The following NCKAP5 variants were observed in gnomAD, a reference collection of about 807,000 sequenced individuals.
The protein encoded by NCKAP5 is NCK associated protein 5, also known as nck-associated protein 5.
Under a neutral mutation model 167.0 loss-of-function variants are expected in NCKAP5, and 92 were observed. The ratio of observed to expected loss-of-function variants is 0.55; its 90% CI spans 0.47 to 0.66. The LOEUF (loss-of-function observed/expected upper bound fraction) is 0.66, where lower values mean the gene tolerates loss of function less well. Ranked by LOEUF, NCKAP5 falls within the 30% of genes least tolerant of loss-of-function variation. The pLI, the probability that NCKAP5 is intolerant of heterozygous loss-of-function variation, is 0.00. For missense variants in NCKAP5, 2,378 were observed against 2,315.0 expected (o/e 1.03, Z -0.56); for synonymous variants, 891 against 877.4 (o/e 1.02, Z -0.27).
chr2:133,625,868 CTCAAA>C, the NCKAP5 span, among the ~76,000 whole-genome samples: 1 of 109,582 alleles, frequency 9.1e-6, no homozygotes, highest in African/African-American at 4.2e-5. Context: ...CGAGACTTGT[CTCAAA>C]AAAAAAAAAA....
intron 5 of NCKAP5, among the ~76,000 whole-genome samples, chr2:133,138,721 G>A (rs1474177453): frequency 6.6e-6 from 1 of 152,158 alleles, no homozygotes. Context: ...ATATAAGTTG[G>A]ATTCTCTCAT....
intron 8 of NCKAP5, among the ~76,000 whole-genome samples, chr2:132,923,790 T>A (rs905293032): frequency 6.6e-6 from 1 of 152,216 alleles, no homozygotes; most frequent in Non-Finnish European, 1.5e-5. Context: ...AGCTAATTAT[T>A]ATTAAAAATT....
intron 19 of NCKAP5, among the ~76,000 whole-genome samples, chr2:132,697,268 G>A (rs1279939835): frequency 6.6e-6 from 1 of 152,230 alleles, no homozygotes; most frequent in Non-Finnish European, 1.5e-5. Flanking sequence ...TGTCAGGACA[G>A]TGCTCCCTTG....
At chr2:133,566,023 G>A (rs1456185636) in intron 1 of NCKAP5, among the ~76,000 whole-genome samples, 2 of 152,236 alleles carry the variant, frequency 1.3e-5, no homozygotes, top group East Asian at 1.9e-4. Context: ...CATGACAGTC[G>A]AAACAAGTGA....
rs111692368 is a variant in NCKAP5 at position 132,841,402 on chromosome 2, A to T, written c.807+19090T>A. ...TTACTTTCAATCCAATGAGTTAACC[A>T]TATTTAAACTAGCAGATTTTTTATT... On this transcript the variant is annotated intron_variant, in intron 11 of 19. Transcript: ENST00000409261. Among the ~76,000 whole-genome samples, 1,438 of 152,262 alleles carry T rather than the reference A, an allele frequency of 9.4e-3. 16 individuals are homozygous for T. The highest frequency in any genetic ancestry group is 0.033 in the African/African-American group (1,383 of 41,578).
At chr2:132,769,542 C>T (rs778447738) in intron 16 of NCKAP5, among the ~76,000 whole-genome samples, 50 of 152,234 alleles carry the variant, frequency 3.3e-4, no homozygotes, top group Non-Finnish European at 6.0e-4. Context: ...CTCAGCCATT[C>T]TTGTGGAATT....
intron 4 of NCKAP5, among the ~76,000 whole-genome samples, chr2:133,258,610 T>TG (rs1229668609): frequency 6.6e-6 from 1 of 152,024 alleles, no homozygotes; most frequent in Non-Finnish European, 1.5e-5. Context: ...CCAGGCATGA[T>TG]GGTGCATGCC....
chr2:133,242,838 A>G (rs1040050187), intron 4 of NCKAP5, among the ~76,000 whole-genome samples: 2 of 152,160 alleles, frequency 1.3e-5, no homozygotes, highest in Middle Eastern at 3.2e-3. Context: ...CTACCGGGAA[A>G]GTTTTTTTAT....
In NCKAP5 at chr2:132,994,194, T is replaced by C. The variant is rs756375702; in HGVS notation, c.387A>G (p.Pro129=). Residue 129 remains proline, a synonymous_variant, in exon 7 of 20, where the codon CCA becomes CCG. Transcript: ENST00000409261. ...TAACAGTTTCTTCTTTTTTCTGCTC[T>C]GGAGATCCTTGACTCTGCAATAGAT... is the stretch of plus-strand genomic sequence containing the variant. ...VRNLLQSQGS[P]EQKKEETVNI... is the part of the protein sequence containing the mutation. 3 of 1,591,934 alleles carry C rather than the reference T, an allele frequency of 1.9e-6. No individual in the cohort carries two copies. In the African/African-American group the frequency reaches 4.0e-5, roughly 21 times the overall value.
At chr2:132,799,337 A>G (rs1415620866) in intron 11 of NCKAP5, among the ~76,000 whole-genome samples, 1 of 152,032 alleles carries the variant, frequency 6.6e-6, no homozygotes, top group African/African-American at 2.4e-5. Context: ...TGCATCCAAA[A>G]CCCAGCATCA....
At position 133,218,558 on chromosome 2, in the gene NCKAP5, A is replaced by G. The variant is rs2086528340; in HGVS notation, c.144-4779T>C. ...CCAGGACCAAACTTTGAGAACTTCA[A>G]CTGAAAGACAGATACGGAACTAGGA... On this transcript the variant is annotated intron_variant, in intron 4 of 19. Transcript: ENST00000409261. Among the ~76,000 whole-genome samples, 3 of 152,226 alleles carry G rather than the reference A, an allele frequency of 2.0e-5. 1 individual carries two copies. The highest frequency in any genetic ancestry group is 2.0e-4 in the Admixed American group (3 of 15,286).
At chr2:133,071,317 C>T (rs1454643620) in intron 6 of NCKAP5, among the ~76,000 whole-genome samples, 3 of 151,526 alleles carry the variant, frequency 2.0e-5, no homozygotes, top group Admixed American at 6.6e-5. Context: ...TAGTGGCGGG[C>T]GCCTGTAGTC....
At chr2:133,080,941 G>A (rs2080782198) in intron 6 of NCKAP5, among the ~76,000 whole-genome samples, 1 of 152,086 alleles carries the variant, frequency 6.6e-6, no homozygotes, top group Non-Finnish European at 1.5e-5. Context: ...GAAGGGCTTG[G>A]ATAAAACAAA....
intron 5 of NCKAP5, among the ~76,000 whole-genome samples, chr2:133,139,013 G>A (rs2082900431): frequency 6.6e-6 from 1 of 152,130 alleles, no homozygotes; most frequent in Admixed American, 6.5e-5. Flanking sequence ...AAACCTGTTT[G>A]GACAACACCC....
At chr2:133,088,706 G>GA (rs1371202232) in intron 6 of NCKAP5, among the ~76,000 whole-genome samples, 2 of 151,954 alleles carry the variant, frequency 1.3e-5, no homozygotes, top group Non-Finnish European at 2.9e-5. Flanking sequence ...ATTATTTCAA[G>GA]AAAAAAATCA....
intron 3 of NCKAP5, among the ~76,000 whole-genome samples, chr2:133,356,912 C>G (rs2150844757): frequency 6.6e-6 from 1 of 152,278 alleles, no homozygotes; most frequent in African/African-American, 2.4e-5. Flanking sequence ...AACATTCCTT[C>G]TCGTGCAATT....
At chr2:133,505,869 A>ACC in intron 3 of NCKAP5, among the ~76,000 whole-genome samples, 1 of 152,192 alleles carries the variant, frequency 6.6e-6, no homozygotes, top group Non-Finnish European at 1.5e-5. Context: ...AGCAGATAGG[A>ACC]GCTGCACCGC....
chr2:132,679,651 T>C (rs1040074636), intron 19 of NCKAP5, among the ~76,000 whole-genome samples: 7 of 152,126 alleles, frequency 4.6e-5, no homozygotes, highest in African/African-American at 1.2e-4. Flanking sequence ...GTGTGAAAGA[T>C]GGCAGAGCTT....
At chr2:132,771,742 G>A (rs1041827788) in intron 16 of NCKAP5, among the ~76,000 whole-genome samples, 69 of 150,930 alleles carry the variant, frequency 4.6e-4, no homozygotes, top group African/African-American at 1.7e-3. Context: ...GCATGATCTC[G>A]GCTCACTGCA....
Sources: allele counts gnomAD v4.1 joint callset (sites outside exome capture counted in the v4.1 genomes callset), GRCh38; gene constraint gnomAD v4.1.1; transcripts MANE v1.5; gene names NCBI Gene and HGNC (gene_info 2026-07-23, HGNC 2026-07-21).